MYO5B: variants seen among roughly 807,000 people sequenced by gnomAD.
MYO5B encodes the protein myosin VB, also known as unconventional myosin-Vb.
A neutral mutation model predicts 229.3 loss-of-function variants in MYO5B; 143 were observed. The ratio of observed to expected loss-of-function variants is 0.62; its 90% CI spans 0.54 to 0.72. The LOEUF is 0.72. Ranked by LOEUF, MYO5B falls within the 30% of genes least tolerant of loss-of-function variation. The pLI is 0.00. For synonymous variants in MYO5B, 918 were observed against 885.2 expected, an observed-to-expected ratio of 1.04 and a Z score of -0.66; for missense variants, 2,321 against 2,331.0, an observed-to-expected ratio of 1.00 and a Z score of 0.09.
chr18:49,878,896 A>G, intron 24 of MYO5B, 49 bp downstream of exon 24: 1 of 1,610,186 alleles, frequency 6.2e-7, no homozygotes, highest in Non-Finnish European at 8.5e-7. Flanking sequence ...CAGAAGCTGG[A>G]CAGGAGCCAG....
intron 23 of MYO5B, among the ~76,000 whole-genome samples, chr18:49,879,877 C>T (rs1029072286): frequency 2.6e-5 from 4 of 152,150 alleles, no homozygotes; most frequent in Admixed American, 2.6e-4. Flanking sequence ...AACAGATGAC[C>T]CACTGGGTAG....
intron 39 of MYO5B, among the ~76,000 whole-genome samples, chr18:49,834,251 A>G (rs1959471096): frequency 6.6e-6 from 1 of 151,290 alleles, no homozygotes; most frequent in Non-Finnish European, 1.5e-5. Context: ...TCTTTGATAA[A>G]CCTCCATTTG....
At chr18:49,992,782 A>G (rs2025947982) in intron 5 of MYO5B, among the ~76,000 whole-genome samples, 1 of 152,120 alleles carries the variant, frequency 6.6e-6, no homozygotes, top group Non-Finnish European at 1.5e-5. Flanking sequence ...TCTTGGAACC[A>G]TGAGGAAAAG....
In MYO5B at chr18:49,829,067, G is replaced by T. The variant is rs1437509758; in HGVS notation, c.5395-2444C>A. Among the ~76,000 whole-genome samples the T allele has an allele frequency of 3.5e-5, 5 of 143,928 alleles. No individual in the cohort carries two copies. The Admixed American group carries it at 3.7e-4, about 11-fold the overall frequency. The allele number at this position is 143,928 out of a possible 152,430, so 94.4% of individuals were successfully genotyped here. A position where few individuals can be genotyped will look rare whatever the true frequency, so the allele number is the denominator to read the frequency against. ...CCCAAAACAAATGAAATCAAAGTTG[G>T]TTCAAAAAATTGACAATTTTTTTTT... On this transcript the variant is annotated intron_variant, in intron 39 of 39. Transcript: ENST00000285039.
intron 1 of MYO5B, among the ~76,000 whole-genome samples, chr18:50,076,945 A>G (rs191728864): frequency 2.9e-3 from 444 of 151,466 alleles, no homozygotes; most frequent in African/African-American, 0.01. Context: ...AAAAAAATCC[A>G]ATAGTATAAA....
Position 49,836,853 on chromosome 18 carries a change from C to T in MYO5B, c.5171G>A (p.Arg1724Gln), listed in dbSNP as rs746376479. 3.0e-5 allele frequency: 49 copies of T among 1,613,964 alleles called. No homozygotes were observed. Among genetic ancestry groups the T allele is most frequent in the Admixed American group, 1.2e-4 (7 of 60,004 alleles). The change falls in exon 38 of 40, where the codon CGG becomes CAG. Residue 1724 changes from arginine to glutamine, a missense_variant. Coordinates refer to ENST00000285039, the MANE Select transcript of MYO5B (RefSeq NM_001080467.3). ...YNISQLEEWL[R>Q]GRNLHQSGAV... ...TCCACTCTGGTGAAGGTTTCTTCCC[C>T]GAAGCCACTCCTCAAGCTGACTTAT...
chr18:49,923,577 G>A (rs190035273), intron 17 of MYO5B, among the ~76,000 whole-genome samples: 1 of 152,296 alleles, frequency 6.6e-6, no homozygotes, highest in Non-Finnish European at 1.5e-5. Flanking sequence ...TTCACACAGC[G>A]AGGCTTCAAG....
At chr18:50,178,800 A>G (rs553181072) in intron 1 of MYO5B, among the ~76,000 whole-genome samples, 1 of 152,326 alleles carries the variant, frequency 6.6e-6, no homozygotes, top group Admixed American at 6.5e-5. Context: ...CCCATTAACT[A>G]AGAACTCTCT....
At chr18:49,847,125 G>C in intron 33 of MYO5B, 21 bp downstream of exon 33, 1 of 1,613,908 alleles carries the variant, frequency 6.2e-7, no homozygotes, top group Non-Finnish European at 8.5e-7. Flanking sequence ...GGCAGCATAG[G>C]GTGGCACAGA....
At chr18:49,963,537 C>G (rs1195113394) in intron 10 of MYO5B, among the ~76,000 whole-genome samples, 2 of 152,122 alleles carry the variant, frequency 1.3e-5, no homozygotes, top group African/African-American at 4.8e-5. Flanking sequence ...ATCCTCCCAC[C>G]TCAGTCAGCC....
intron 1 of MYO5B, among the ~76,000 whole-genome samples, chr18:50,065,266 A>T (rs1418020802): frequency 1.3e-5 from 2 of 152,214 alleles, no homozygotes; most frequent in Non-Finnish European, 2.9e-5. Context: ...TCTACACAAC[A>T]GCCAGGCACT....
chr18:50,064,740 T>C (rs2030776943), intron 1 of MYO5B, among the ~76,000 whole-genome samples: 1 of 152,248 alleles, frequency 6.6e-6, no homozygotes, highest in African/African-American at 2.4e-5. Context: ...ACCATAACAC[T>C]TATTGAAAGG....
chr18:49,880,129 C>T (rs1354009811), intron 23 of MYO5B, among the ~76,000 whole-genome samples: 2 of 152,192 alleles, frequency 1.3e-5, no homozygotes. Context: ...CAAGTGCGGG[C>T]CTCCCTGACT....
chr18:49,992,109 A>G (rs1205982270), intron 6 of MYO5B, among the ~76,000 whole-genome samples, 179 bp downstream of exon 6: 1 of 152,246 alleles, frequency 6.6e-6, no homozygotes, highest in African/African-American at 2.4e-5. Context: ...TTTGAGATCT[A>G]ATCCCTATAC....
intron 2 of MYO5B, among the ~76,000 whole-genome samples, chr18:50,050,502 G>A (rs1478624715): frequency 6.6e-6 from 1 of 152,170 alleles, no homozygotes; most frequent in African/African-American, 2.4e-5. Context: ...TGAGCAAGAG[G>A]GATCCCTTCC....
chr18:50,123,761 A>G (rs1003728465), intron 1 of MYO5B, among the ~76,000 whole-genome samples: 17 of 152,192 alleles, frequency 1.1e-4, no homozygotes, highest in African/African-American at 3.1e-4. Flanking sequence ...TTTCAAAGAA[A>G]GATATAGAGG....
At chr18:50,073,176 C>G (rs2030998521) in intron 1 of MYO5B, among the ~76,000 whole-genome samples, 1 of 152,176 alleles carries the variant, frequency 6.6e-6, no homozygotes, top group South Asian at 2.1e-4. Context: ...CATTGCTATT[C>G]TTGGTACCTA....
At chr18:50,044,050 A>T (rs1351498104) in intron 2 of MYO5B, among the ~76,000 whole-genome samples, 4 of 152,232 alleles carry the variant, frequency 2.6e-5, no homozygotes, top group East Asian at 3.9e-4. Flanking sequence ...AAATTTTTTT[A>T]AAAAAAGCAC....
At chr18:50,067,499 T>C (rs1482124549) in intron 1 of MYO5B, among the ~76,000 whole-genome samples, 2 of 152,204 alleles carry the variant, frequency 1.3e-5, no homozygotes, top group South Asian at 2.1e-4. Context: ...AAATCTCATG[T>C]TGAAATTCAA....
Sources: gnomAD v4.1 joint callset for allele counts (sites outside exome capture counted in the v4.1 genomes callset) on GRCh38, gnomAD v4.1.1 for gene constraint, MANE v1.5 for transcripts, NCBI Gene and HGNC (gene_info 2026-07-23, HGNC 2026-07-21) for gene names.